The following FOCAD variants were observed in gnomAD, a reference collection of about 807,000 sequenced individuals.
The protein encoded by FOCAD is KIAA1797.
A neutral mutation model predicts 225.6 loss-of-function variants in FOCAD; 198 were observed. The ratio of observed to expected loss-of-function variants is 0.88; its 90% CI spans 0.78 to 0.99. The LOEUF (loss-of-function observed/expected upper bound fraction) is 0.99, where lower values mean the gene tolerates loss of function less well. Ranked by LOEUF, FOCAD falls within the 50% of genes least tolerant of loss-of-function variation. The probability of loss-of-function intolerance (pLI) is 0.00; values close to 1 mark genes in which losing one functional copy is unlikely to be tolerated. For missense variants in FOCAD, 2,713 were observed against 2,123.6 expected (o/e 1.28, Z -5.46); for synonymous variants, 897 against 755.0 (o/e 1.19, Z -3.08).
chr9:20,985,495 C>T (rs1376516689), intron 39 of FOCAD, among the ~76,000 whole-genome samples: 1 of 152,156 alleles, frequency 6.6e-6, no homozygotes, highest in Non-Finnish European at 1.5e-5. Context: ...AGGTTCATTT[C>T]CTTCAGTTTC....
rs966389745 is a variant in FOCAD at position 20,946,814 on chromosome 9, C to G, written c.3669C>G (p.Ser1223Arg). The G allele has an allele frequency of 1.1e-5, 18 of 1,613,336 alleles. No homozygotes were observed. Among genetic ancestry groups the G allele is most frequent in the Non-Finnish European group, 1.5e-5 (18 of 1,179,572 alleles). Residue 1223 changes from serine to arginine, a missense_variant, in exon 30 of 44, where the codon AGC becomes AGG. Physicochemically the swap from Ser to Arg is moderately radical, Grantham distance 110. Coordinates refer to ENST00000338382, the MANE Select transcript of FOCAD (RefSeq NM_001375567.1). ...AGCTTCGACTGTTAGTGGAGAATAG[C>G]CAGCAGGTTGGAACGTGTGCCCTGA... ...MNKLRLLVENSQQTSGFALAL... is the reference protein window; with the variant it reads ...MNKLRLLVENRQQTSGFALAL...
chr9:20,845,289 A>G (rs1587380564), intron 15 of FOCAD, among the ~76,000 whole-genome samples: 1 of 152,008 alleles, frequency 6.6e-6, no homozygotes, highest in Non-Finnish European at 1.5e-5. Context: ...CTATCCAGAT[A>G]TAACTCTGAT....
rs188354164 is a variant in FOCAD, at chr9:20,668,655, G to A, written c.-78+9829G>A. Among the ~76,000 whole-genome samples, 5 of 152,364 alleles carry A rather than the reference G, an allele frequency of 3.3e-5. No homozygotes were observed. The East Asian group carries it at 9.6e-4, about 29-fold the overall frequency. ...AGATCCATTAGTCGTAATTGAATCT[G>A]TCAGGAGCCAGGTAAATGGCTGTCT... On this transcript the variant is annotated intron_variant, in intron 2 of 45. Transcript: ENST00000380249.
At chr9:20,692,608 T>G (rs1250718167) in intron 1 of FOCAD, among the ~76,000 whole-genome samples, 2 of 152,222 alleles carry the variant, frequency 1.3e-5, no homozygotes, top group Admixed American at 6.5e-5. Context: ...TGCTCACTCA[T>G]GTAGTGATCG....
At chr9:20,830,270 C>A (rs911833971) in intron 15 of FOCAD, among the ~76,000 whole-genome samples, 19 of 151,906 alleles carry the variant, frequency 1.3e-4, no homozygotes, top group South Asian at 2.1e-4. Flanking sequence ...ATTATTAAGA[C>A]TTTGCCTAAA....
intron 11 of FOCAD, among the ~76,000 whole-genome samples, chr9:20,812,224 T>A (rs1231384441): frequency 6.6e-6 from 1 of 152,076 alleles, no homozygotes; most frequent in Non-Finnish European, 1.5e-5. Flanking sequence ...ATATCTTGAA[T>A]TATTTCATTC....
At chr9:20,767,311 A>G (rs929507022) in intron 7 of FOCAD, among the ~76,000 whole-genome samples, 25 of 148,784 alleles carry the variant, frequency 1.7e-4, no homozygotes, top group African/African-American at 5.7e-4. Flanking sequence ...TTATAGCAGC[A>G]AGATTTATAG....
chr9:20,964,659 C>G (rs1357689460), intron 35 of FOCAD, among the ~76,000 whole-genome samples: 1 of 152,032 alleles, frequency 6.6e-6, no homozygotes, highest in East Asian at 1.9e-4. Context: ...CCTCAGCCTC[C>G]CAAGTAGCTG....
intron 11 of FOCAD, among the ~76,000 whole-genome samples, chr9:20,811,286 C>T (rs1009402559): frequency 3.3e-5 from 5 of 151,888 alleles, no homozygotes; most frequent in African/African-American, 9.7e-5. Context: ...TGATACAGTC[C>T]GAAATTCAGT....
Position 20,765,063 on chromosome 9 carries a change from C to A in FOCAD, c.689C>A (p.Pro230Gln). The part of the protein sequence containing the change: ...QILQLCCDIV[P>Q]CLQVKDLIQT... ...CTTCAACTGTGTTGTGACATAGTTC[C>A]ATGTTTGCAGGTAAGGTCTTTGTCC... Residue 230 changes from proline to glutamine, a missense_variant, in exon 7 of 44, where the codon CCA becomes CAA. Physicochemically the swap from Pro to Gln is moderately conservative, Grantham distance 76. Coordinates refer to ENST00000338382, the MANE Select transcript of FOCAD (RefSeq NM_001375567.1). 6.2e-7 allele frequency: 1 copy of A among 1,612,722 alleles called. No homozygotes were observed.
In FOCAD at chr9:20,789,463, C is replaced by T. The variant is rs768836957; in HGVS notation, c.1310C>T (p.Ser437Leu). The T allele has an allele frequency of 1.9e-6, 3 of 1,613,986 alleles. No homozygotes were observed. Among genetic ancestry groups the T allele is most frequent in the East Asian group, 2.2e-5 (1 of 44,870 alleles). Reference protein sequence around the residue: ...DSSAASDWLASVESLLPITAV... With the variant: ...DSSAASDWLALVESLLPITAV... ...TCTGCTGCAAGTGACTGGTTGGCTT[C>T]AGTAGAGTCATTGCTTCCTATTACT... The change falls in exon 11 of 44, where the codon TCA becomes TTA. Residue 437 changes from serine (S) to leucine (L), a missense_variant. Physicochemically the swap from Ser to Leu is moderately radical, Grantham distance 145. Transcript: ENST00000338382.
chr9:20,719,314 C>T (rs1340162323), intron 3 of FOCAD, among the ~76,000 whole-genome samples: 2 of 152,150 alleles, frequency 1.3e-5, no homozygotes, highest in East Asian at 3.9e-4. Context: ...AACTTCTGAC[C>T]TCAGTTGATC....
intron 33 of FOCAD, among the ~76,000 whole-genome samples, 175 bp downstream of exon 33, chr9:20,949,850 T>C (rs1837528437): frequency 6.6e-6 from 1 of 152,134 alleles, no homozygotes; most frequent in South Asian, 2.1e-4. Context: ...CTGACAAACA[T>C]GCACTACCTT....
intron 6 of FOCAD, among the ~76,000 whole-genome samples, chr9:20,763,848 C>T: frequency 1.3e-5 from 2 of 152,202 alleles, no homozygotes; most frequent in South Asian, 4.2e-4. Context: ...TTTTGATGAT[C>T]ATTCCGGTGT....
At chr9:20,790,301 A>T (rs1820388326) in intron 11 of FOCAD, among the ~76,000 whole-genome samples, 1 of 152,102 alleles carries the variant, frequency 6.6e-6, no homozygotes, top group Non-Finnish European at 1.5e-5. Context: ...ATTTCCTATA[A>T]AGGAAAGGTT....
chr9:20,984,721 G>C (rs1370405892), intron 39 of FOCAD, among the ~76,000 whole-genome samples: 1 of 152,174 alleles, frequency 6.6e-6, no homozygotes, highest in Admixed American at 6.5e-5. Flanking sequence ...AGGGAAACGT[G>C]TGCTAATAGT....
At chr9:20,743,997 C>G (rs937035508) in intron 5 of FOCAD, among the ~76,000 whole-genome samples, 1 of 152,036 alleles carries the variant, frequency 6.6e-6, no homozygotes, top group Admixed American at 6.5e-5. Context: ...ATAGAGAGGC[C>G]AAGAGCAGAA....
At chr9:20,843,666 C>T (rs1253599990) in intron 15 of FOCAD, among the ~76,000 whole-genome samples, 1 of 152,048 alleles carries the variant, frequency 6.6e-6, no homozygotes, top group Non-Finnish European at 1.5e-5. Flanking sequence ...GGGAAGTTCT[C>T]TGTTATTATC....
chr9:20,923,138 G>A (rs7871162), intron 24 of FOCAD, among the ~76,000 whole-genome samples: 49,575 of 151,898 alleles, frequency 0.33, 8,274 homozygotes, highest in East Asian at 0.46. Context: ...AGAGAAAGAA[G>A]GAGAGGATAA....
Sources: gnomAD v4.1 joint callset for allele counts (sites outside exome capture counted in the v4.1 genomes callset) on GRCh38, gnomAD v4.1.1 for gene constraint, MANE v1.5 for transcripts, NCBI Gene and HGNC (gene_info 2026-07-23, HGNC 2026-07-21) for gene names.